Variants in YAF2 observed in about 807,000 individuals in gnomAD.
YAF2 encodes YY1 associated factor 2.
Under a neutral mutation model 20.1 loss-of-function variants are expected in YAF2, and 7 were observed. That is an observed-to-expected ratio of 0.35 (90% CI 0.20 to 0.65). The LOEUF (loss-of-function observed/expected upper bound fraction) is 0.65, where lower values mean the gene tolerates loss of function less well. YAF2 is among the 30% of genes least tolerant of loss of function. The probability of loss-of-function intolerance (pLI) is 0.69; values close to 1 mark genes in which losing one functional copy is unlikely to be tolerated. For synonymous variants in YAF2, 74 were observed against 76.0 expected, an observed-to-expected ratio of 0.97 and a Z score of 0.14; for missense variants, 151 against 219.2, an observed-to-expected ratio of 0.69 and a Z score of 1.96.
chr12:42,237,783 G>A (rs2068224336), intron 1 of YAF2, 59 bp from the exon 2 acceptor site: 1 of 1,242,932 alleles, frequency 8.0e-7, no homozygotes, highest in Non-Finnish European at 1.0e-6. Context: ...CGCGCCCGGT[G>A]CCCGGGCCCC....
chr12:42,193,106 G>A (rs1396702774), intron 2 of YAF2, among the ~76,000 whole-genome samples: 1 of 152,128 alleles, frequency 6.6e-6, no homozygotes, highest in Admixed American at 6.5e-5. Flanking sequence ...CTAGAGGCCA[G>A]GAGTTTGAGA....
At chr12:42,236,933 T>C (rs1215883080) in intron 2 of YAF2, among the ~76,000 whole-genome samples, 1 of 152,180 alleles carries the variant, frequency 6.6e-6, no homozygotes, top group Non-Finnish European at 1.5e-5. Context: ...AAGCTTACAA[T>C]AAATAAAGTC....
At position 42,237,740 on chromosome 12, in the gene YAF2, C is replaced by T. The variant is rs777451764; in HGVS notation, c.27-16G>A. ...CCGCTTCGGCCTGCAGGACACAACC[C>T]GGACACGACGCGGCGCGGGGTCACC... On this transcript the variant is annotated splice_polypyrimidine_tract_variant and intron_variant, in intron 1 of 3. Transcript: ENST00000534854. The T allele has an allele frequency of 6.6e-7, 1 of 1,519,602 alleles. No homozygotes were observed. Among genetic ancestry groups the T allele is most frequent in the Admixed American group, 2.1e-5 (1 of 48,224 alleles). The allele number at this position is 1,519,602 out of a possible 1,614,324, so 94.1% of individuals were successfully genotyped here.
chr12:42,167,734 G>A (rs544807963), intron 2 of YAF2, among the ~76,000 whole-genome samples: 5 of 152,242 alleles, frequency 3.3e-5, no homozygotes, highest in East Asian at 1.9e-4. Flanking sequence ...GGCCAGGCTC[G>A]GTGGCTCACA....
intron 2 of YAF2, among the ~76,000 whole-genome samples, chr12:42,164,120 T>C (rs77270708): frequency 0.016 from 2,407 of 152,324 alleles, 35 homozygotes; most frequent in Non-Finnish European, 0.025. Flanking sequence ...AGTTAATAAA[T>C]GACTACTGTC....
intron 2 of YAF2, chr12:42,210,836 C>A (rs1257904720): frequency 3.5e-6 from 2 of 567,442 alleles, no homozygotes; most frequent in Non-Finnish European, 5.7e-6. Flanking sequence ...AAACTTCTCA[C>A]ATTATCAGAA....
intron 2 of YAF2, among the ~76,000 whole-genome samples, chr12:42,176,242 T>C (rs950542492): frequency 4.0e-5 from 6 of 151,236 alleles, no homozygotes. Flanking sequence ...CACCTGGATG[T>C]CTATGAGTAG....
intron 2 of YAF2, among the ~76,000 whole-genome samples, chr12:42,184,911 T>C (rs1485845516): frequency 6.6e-6 from 1 of 152,170 alleles, no homozygotes; most frequent in Non-Finnish European, 1.5e-5. Context: ...TGTGGTGGCT[T>C]ACGCCTATAA....
At chr12:42,204,346 G>T (rs1397345559) in intron 2 of YAF2, among the ~76,000 whole-genome samples, 1 of 152,198 alleles carries the variant, frequency 6.6e-6, no homozygotes, top group Non-Finnish European at 1.5e-5. Flanking sequence ...TGCATCCATA[G>T]ATTCAACCAA....
chr12:42,164,086 T>G (rs1005745320), intron 2 of YAF2, among the ~76,000 whole-genome samples: 3 of 152,082 alleles, frequency 2.0e-5, no homozygotes. Context: ...TGATAAGGAG[T>G]TGATGTGCAC....
intron 2 of YAF2, among the ~76,000 whole-genome samples, chr12:42,237,056 T>G (rs1210748132): frequency 6.6e-6 from 1 of 152,236 alleles, no homozygotes; most frequent in East Asian, 1.9e-4. Context: ...TGGGCTCATC[T>G]CCAACTACTT....
intron 2 of YAF2, among the ~76,000 whole-genome samples, chr12:42,199,734 G>A (rs2066849764): frequency 6.6e-6 from 1 of 151,888 alleles, no homozygotes; most frequent in Middle Eastern, 3.4e-3. Context: ...CACAGAATAC[G>A]GTAATACTGA....
intron 2 of YAF2, among the ~76,000 whole-genome samples, chr12:42,173,048 C>CAGAGAG (rs879630684): frequency 1.3e-5 from 2 of 150,052 alleles, no homozygotes; most frequent in Non-Finnish European, 3.0e-5. Flanking sequence ...GAGAGAGAGA[C>CAGAGAG]AGAGAGAGAG....
intron 2 of YAF2, among the ~76,000 whole-genome samples, chr12:42,228,149 G>C (rs1299919041): frequency 1.2e-5 from 1 of 83,912 alleles, no homozygotes; most frequent in African/African-American, 5.3e-5. Flanking sequence ...AGGGAGGTGG[G>C]GGGGGTCGGC....
At chr12:42,218,160 GAC>G in intron 2 of YAF2, among the ~76,000 whole-genome samples, 1 of 148,866 alleles carries the variant, frequency 6.7e-6, no homozygotes, top group South Asian at 2.1e-4. Flanking sequence ...ATTTTTATGT[GAC>G]AGTCTACATC....
chr12:42,238,091 C>T (rs1290855513), intron 1 of YAF2, 64 bp downstream of exon 1: 2 of 1,364,828 alleles, frequency 1.5e-6, no homozygotes, highest in African/African-American at 1.5e-5. Context: ...GGCGGCCACC[C>T]GAAGCCCTGC....
chr12:42,207,287 T>G (rs1447048613), intron 2 of YAF2, among the ~76,000 whole-genome samples: 1 of 152,188 alleles, frequency 6.6e-6, no homozygotes, highest in African/African-American at 2.4e-5. Context: ...GAAGAGACAA[T>G]CTGTCAAAGA....
intron 2 of YAF2, chr12:42,233,015 CAA>C: frequency 1.0e-6 from 1 of 985,222 alleles, no homozygotes; most frequent in African/African-American, 1.7e-5. Flanking sequence ...TTTAAAGAAA[CAA>C]AAAAATCCAT....
intron 2 of YAF2, chr12:42,235,984 C>A (rs1430759028): frequency 6.5e-7 from 1 of 1,536,108 alleles, no homozygotes; most frequent in Admixed American, 2.0e-5. Context: ...AGCTTCCCCC[C>A]TTCCTTGCTG....
Sources: gnomAD v4.1 joint callset for allele counts (sites outside exome capture counted in the v4.1 genomes callset) on GRCh38, gnomAD v4.1.1 for gene constraint, MANE v1.5 for transcripts, NCBI Gene and HGNC (gene_info 2026-07-23, HGNC 2026-07-21) for gene names.